The following KATNIP variants were observed in gnomAD, a reference collection of about 807,000 sequenced individuals.
The protein encoded by KATNIP is katanin-interacting protein.
Under a neutral mutation model 174.0 loss-of-function variants are expected in KATNIP, and 126 were observed. The observed-to-expected ratio is 0.72, with a 90% CI of 0.63 to 0.84. The LOEUF (loss-of-function observed/expected upper bound fraction) is 0.84, where lower values mean the gene tolerates loss of function less well. Among genes scored for constraint, KATNIP ranks in the 40% least tolerant of loss-of-function variants. KATNIP has a pLI of 0.00. For missense variants in KATNIP, 1,958 were observed against 2,109.7 expected (o/e 0.93, Z 1.41); for synonymous variants, 810 against 835.7 (o/e 0.97, Z 0.53).
chr16:27,628,564 G>C, intron 3 of KATNIP, 97 bp from the exon 4 acceptor site: 1 of 1,306,368 alleles, frequency 7.7e-7, no homozygotes, highest in Non-Finnish European at 1.1e-6. Context: ...GATTAGAGAC[G>C]CTTCACTGTG....
intron 13 of KATNIP, among the ~76,000 whole-genome samples, chr16:27,710,294 T>G (rs990261235): frequency 6.6e-6 from 1 of 151,626 alleles, no homozygotes; most frequent in South Asian, 2.1e-4. Flanking sequence ...GGAGGGGAGG[T>G]TGCAGTGAGC....
At chr16:27,565,825 G>A (rs2141634306) in intron 1 of KATNIP, among the ~76,000 whole-genome samples, 1 of 151,826 alleles carries the variant, frequency 6.6e-6, no homozygotes, top group East Asian at 1.9e-4. Context: ...CAAAGGAAGA[G>A]TGGGAAAGTG....
chr16:27,592,188 G>A (rs771377823), intron 2 of KATNIP, among the ~76,000 whole-genome samples: 25 of 151,162 alleles, frequency 1.7e-4, no homozygotes, highest in Admixed American at 6.6e-4. Flanking sequence ...TGTCTTTGTG[G>A]CTTGATTATA....
rs932696559 is a variant in KATNIP, at chr16:27,708,871, A to G, written c.1556A>G (p.Asn519Ser). 15 of 1,613,878 alleles carry G rather than the reference A, an allele frequency of 9.3e-6. No individual in the cohort carries two copies. Among genetic ancestry groups the G allele is most frequent in the Admixed American group, 1.7e-5 (1 of 59,990 alleles). ...YVSPHDVDIRNTATPGELGRL... is the reference protein window; with the variant it reads ...YVSPHDVDIRSTATPGELGRL... ...TCGCCCCACGATGTGGATATCCGGA[A>G]CACAGCCACGCCTGGGGAGCTGGGC... Residue 519 changes from asparagine (N) to serine (S), a missense_variant, in exon 13 of 28, where the codon AAC becomes AGC. Asn to Ser is a conservative substitution (Grantham distance 46). Coordinates refer to ENST00000261588, the MANE Select transcript of KATNIP (RefSeq NM_015202.5).
At chr16:27,630,041 A>C (rs912828972) in intron 4 of KATNIP, among the ~76,000 whole-genome samples, 1 of 152,226 alleles carries the variant, frequency 6.6e-6, no homozygotes, top group African/African-American at 2.4e-5. Context: ...TTTAAAAAAC[A>C]ATAATAAAAT....
At position 27,609,459 on chromosome 16, in the gene KATNIP, C is replaced by G. The variant is rs144627609; in HGVS notation, c.64-8966C>G. On this transcript the variant is annotated intron_variant, in intron 2 of 27. Coordinates refer to ENST00000261588, the MANE Select transcript of KATNIP (RefSeq NM_015202.5). ...AGGCCAAAGTGCAGTGGCGCGATCT[C>G]AGCTCACTGCAAGCTCCACCTCCCA... Among the ~76,000 whole-genome samples, 418 of 131,530 alleles carry G rather than the reference C, an allele frequency of 3.2e-3. 2 individuals are homozygous for G. The highest frequency in any genetic ancestry group is 0.012 in the African/African-American group (404 of 35,028). The allele number at this position is 131,530 out of a possible 152,430, so 86.3% of individuals were successfully genotyped here.
At chr16:27,744,539 A>G (rs1161405301) in intron 15 of KATNIP, among the ~76,000 whole-genome samples, 1 of 152,078 alleles carries the variant, frequency 6.6e-6, no homozygotes, top group East Asian at 1.9e-4. Flanking sequence ...AGCCATGATC[A>G]CACCACGGCA....
intron 3 of KATNIP, among the ~76,000 whole-genome samples, chr16:27,620,549 G>A (rs771528968): frequency 1.1e-4 from 16 of 152,212 alleles, no homozygotes; most frequent in Admixed American, 2.6e-4. Flanking sequence ...ACAATCAAGA[G>A]GAGAAAAAAA....
At chr16:27,647,643 C>A (rs1379908117) in intron 5 of KATNIP, among the ~76,000 whole-genome samples, 1 of 151,974 alleles carries the variant, frequency 6.6e-6, no homozygotes, top group Non-Finnish European at 1.5e-5. Flanking sequence ...GTAGCTGGGA[C>A]TACAGGCATG....
chr16:27,700,020 C>T (rs1426003314), intron 10 of KATNIP, among the ~76,000 whole-genome samples: 1 of 152,018 alleles, frequency 6.6e-6, no homozygotes, highest in Non-Finnish European at 1.5e-5. Context: ...AAGTGATTCT[C>T]CCACCTCAGC....
At chr16:27,763,901 T>C (rs1003651368) in intron 19 of KATNIP, among the ~76,000 whole-genome samples, 3 of 152,188 alleles carry the variant, frequency 2.0e-5, no homozygotes, top group Non-Finnish European at 4.4e-5. Context: ...TTGTTTAGTC[T>C]GCTCCTTGCT....
chr16:27,575,758 C>T (rs186646042), intron 2 of KATNIP, among the ~76,000 whole-genome samples: 26 of 152,208 alleles, frequency 1.7e-4, no homozygotes, highest in Non-Finnish European at 3.1e-4. Context: ...AGCCAGTTTG[C>T]ATTTTCTTTT....
chr16:27,579,494 C>T (rs1285772700), intron 2 of KATNIP, among the ~76,000 whole-genome samples: 2 of 152,182 alleles, frequency 1.3e-5, no homozygotes, highest in Non-Finnish European at 2.9e-5. Context: ...TGTTATATTA[C>T]TTGAAGTGTC....
intron 8 of KATNIP, among the ~76,000 whole-genome samples, chr16:27,687,997 A>C (rs1177118502): frequency 6.6e-6 from 1 of 152,246 alleles, no homozygotes; most frequent in Non-Finnish European, 1.5e-5. Flanking sequence ...ATTCCAGAAT[A>C]GTAGAATTGG....
In KATNIP at chr16:27,766,591, C is replaced by G. The variant is rs560972804; in HGVS notation, c.3975+117C>G. 7.5e-5 allele frequency: 80 copies of G among 1,068,902 alleles called. 1 individual carries two copies. In the East Asian group the frequency reaches 1.1e-3, roughly 15 times the overall value. The allele number at this position is 1,068,902 out of a possible 1,614,324, so 66.2% of individuals were successfully genotyped here. A position where few individuals can be genotyped will look rare whatever the true frequency, so the allele number is the denominator to read the frequency against. ...ATCCTCCAGAATTTTCCAAACGGAG[C>G]TGGGGGCGTTATGTCCAGGGAGAGA... is the stretch of plus-strand genomic sequence containing the variant. On this transcript the variant is annotated intron_variant, in intron 20 of 27. Transcript: ENST00000261588.
intron 6 of KATNIP, among the ~76,000 whole-genome samples, chr16:27,661,910 TAATATATA>T (rs1248621518): frequency 1.7e-4 from 7 of 41,684 alleles, no homozygotes; most frequent in African/African-American, 7.2e-4. Context: ...TGTGCCTGGC[TAATATATA>T]TATATATATA....
At chr16:27,633,528 G>A (rs2076552368) in intron 5 of KATNIP, among the ~76,000 whole-genome samples, 1 of 150,420 alleles carries the variant, frequency 6.6e-6, no homozygotes, top group South Asian at 2.1e-4. Flanking sequence ...CTGGCCTCAA[G>A]TGATCCTCCT....
intron 4 of KATNIP, among the ~76,000 whole-genome samples, chr16:27,630,364 C>T (rs2076448793): frequency 6.6e-6 from 1 of 152,242 alleles, no homozygotes; most frequent in South Asian, 2.1e-4. Flanking sequence ...TTATTCTAAT[C>T]TATGGCCTCA....
At chr16:27,681,214 A>G in intron 7 of KATNIP, 185 bp from the exon 8 acceptor site, 1 of 695,622 alleles carries the variant, frequency 1.4e-6, no homozygotes, top group Admixed American at 2.1e-5. Context: ...TGCTGGGCAC[A>G]CCATGACTCT....
Sources: gnomAD v4.1 joint callset for allele counts (sites outside exome capture counted in the v4.1 genomes callset) on GRCh38, gnomAD v4.1.1 for gene constraint, MANE v1.5 for transcripts, NCBI Gene and HGNC (gene_info 2026-07-23, HGNC 2026-07-21) for gene names.